TSPEAR: variants seen among roughly 807,000 people sequenced by gnomAD.
The protein encoded by TSPEAR is thrombospondin type laminin G domain and EAR repeats.
In TSPEAR, 69 loss-of-function variants were observed where a neutral mutation model predicts 71.6. That is an observed-to-expected ratio of 0.96 (90% CI 0.79 to 1.18). The LOEUF is 1.18. TSPEAR is among the 50% of genes most tolerant of loss of function. TSPEAR has a pLI of 0.00. For synonymous variants in TSPEAR, 402 were observed against 387.2 expected, an observed-to-expected ratio of 1.04 and a Z score of -0.45; for missense variants, 971 against 894.9, an observed-to-expected ratio of 1.09 and a Z score of -1.09.
chr21:44,661,197 C>T (rs1336458342), intron 1 of TSPEAR, among the ~76,000 whole-genome samples: 3 of 150,558 alleles, frequency 2.0e-5, no homozygotes, highest in Admixed American at 6.6e-5. Flanking sequence ...TGGCGTGAAC[C>T]CCAGAGGCGG....
intron 2 of TSPEAR, among the ~76,000 whole-genome samples, chr21:44,562,608 C>A (rs1034926022): frequency 3.3e-5 from 5 of 152,058 alleles, no homozygotes; most frequent in Non-Finnish European, 5.9e-5. Context: ...AGGAGAAAAT[C>A]TTGAAAGCAG....
chr21:44,544,736 G>T (rs1205849086), intron 2 of TSPEAR, among the ~76,000 whole-genome samples: 1 of 152,150 alleles, frequency 6.6e-6, no homozygotes, highest in Non-Finnish European at 1.5e-5. Flanking sequence ...ATGGCCTGGT[G>T]GGGGAGGAGC....
chr21:44,599,875 G>A (rs888925474), intron 1 of TSPEAR, among the ~76,000 whole-genome samples: 15 of 152,160 alleles, frequency 9.9e-5, no homozygotes, highest in African/African-American at 3.6e-4. Context: ...TGCTTTTTGC[G>A]GAGGAGGTGT....
intron 1 of TSPEAR, among the ~76,000 whole-genome samples, chr21:44,681,250 G>C (rs1345884135): frequency 6.6e-6 from 1 of 152,250 alleles, no homozygotes; most frequent in Non-Finnish European, 1.5e-5. Context: ...CCAACCACAT[G>C]GGAAAGCCCG....
chr21:44,571,512 A>G (rs1555922506), intron 1 of TSPEAR, among the ~76,000 whole-genome samples: 1 of 152,250 alleles, frequency 6.6e-6, no homozygotes, highest in Non-Finnish European at 1.5e-5. Context: ...ACACCCCAGT[A>G]GTGTGAGCAC....
chr21:44,554,197 A>G (rs1440354906), intron 2 of TSPEAR, among the ~76,000 whole-genome samples: 1 of 152,190 alleles, frequency 6.6e-6, no homozygotes, highest in African/African-American at 2.4e-5. Flanking sequence ...TGTGCCCTTT[A>G]AAGAAGAAAC....
rs1436170775 is a variant in TSPEAR, at chr21:44,546,670, CT to C, written c.304-12748del. 2.0e-5 allele frequency among the ~76,000 whole-genome samples: 3 copies of C among 152,182 alleles called. No individual in the cohort carries two copies. In the East Asian group the frequency reaches 5.8e-4, roughly 29 times the overall value. ...GGATAATTTTGTCAGATGCTGATGC[CT>C]TTTTGGTTGTTGGTTTCCCCTGCCG... On this transcript the variant is annotated intron_variant, in intron 2 of 11. Coordinates refer to ENST00000323084, the MANE Select transcript of TSPEAR (RefSeq NM_144991.3). This position sits in a 1 kb window ranked among gnomAD's most constrained non-coding sequence, Gnocchi z 4.4.
Position 44,646,493 on chromosome 21 carries a change from C to G in TSPEAR, c.82+64940G>C, listed in dbSNP as rs377695090. On this transcript the variant is annotated intron_variant, in intron 1 of 11. Transcript: ENST00000323084. The stretch of plus-strand genomic sequence containing the variant: ...TCCACCATGTCTGTCTGCTCCAGCG[C>G]TTACTCCGACTCCTGGCAGGTGGAC... The G allele has an allele frequency of 2.5e-6, 4 of 1,613,162 alleles. No homozygotes were observed. In the African/African-American group the frequency reaches 4.0e-5, roughly 16 times the overall value.
At position 44,600,782 on chromosome 21, in the gene TSPEAR, G is replaced by C. The variant is rs782799472; in HGVS notation, c.83-32777C>G. ...TGCTGCGCCCCGGCCCCCTGCCTGAGCCTGGTCTGCACCCCAGTGAGCTAT... is the reference window on the plus strand; with the variant it reads ...TGCTGCGCCCCGGCCCCCTGCCTGACCCTGGTCTGCACCCCAGTGAGCTAT... On this transcript the variant is annotated intron_variant, in intron 1 of 11. Coordinates refer to ENST00000323084, the MANE Select transcript of TSPEAR (RefSeq NM_144991.3). 3.8e-4 allele frequency: 601 copies of C among 1,592,334 alleles called. 18 individuals are homozygous for C. In the African/African-American group the frequency reaches 7.1e-3, roughly 19 times the overall value.
At chr21:44,650,220 A>C (rs1453622584) in intron 1 of TSPEAR, among the ~76,000 whole-genome samples, 5 of 152,144 alleles carry the variant, frequency 3.3e-5, no homozygotes, top group Non-Finnish European at 4.4e-5. Context: ...TCTCCAAAAA[A>C]AAAAAAGAAA....
chr21:44,621,264 G>A (rs1982414353), intron 1 of TSPEAR, among the ~76,000 whole-genome samples: 1 of 152,126 alleles, frequency 6.6e-6, no homozygotes, highest in East Asian at 1.9e-4. Context: ...AGAGAGAATG[G>A]CTTATTGAAG....
intron 9 of TSPEAR, chr21:44,517,622 G>C (rs184367840): frequency 2.6e-6 from 1 of 386,384 alleles, no homozygotes; most frequent in Non-Finnish European, 5.3e-6. Context: ...TTCCCACCGT[G>C]TGTGCTCCTT....
At chr21:44,658,464 C>A in intron 1 of TSPEAR, 1 of 607,366 alleles carries the variant, frequency 1.6e-6, no homozygotes, top group Non-Finnish European at 2.9e-6. Context: ...GTCTTGGCTG[C>A]CAGAGTCCTT....
intron 1 of TSPEAR, among the ~76,000 whole-genome samples, chr21:44,617,429 C>T (rs1982175980): frequency 6.6e-6 from 1 of 152,126 alleles, no homozygotes; most frequent in African/African-American, 2.4e-5. Context: ...GGCGGAGGGC[C>T]CCAATGGCAG....
rs2052197381 is a variant in TSPEAR at position 44,506,217 on chromosome 21, A to G, written c.1755-1336T>C. ...ACCAAGGATGCATCTGTGCTTGGGGATGGCTCGGTTTGAGGGGTCTGAGGA... is the reference window on the plus strand; with the variant it reads ...ACCAAGGATGCATCTGTGCTTGGGGGTGGCTCGGTTTGAGGGGTCTGAGGA... On this transcript the variant is annotated intron_variant, in intron 10 of 11. Transcript: ENST00000323084. This position sits in a 1 kb window ranked among gnomAD's most constrained non-coding sequence, Gnocchi z 4.2. Among the ~76,000 whole-genome samples the G allele has an allele frequency of 6.6e-6, 1 of 152,160 alleles. No homozygotes were observed. Among genetic ancestry groups the G allele is most frequent in the African/African-American group, 2.4e-5 (1 of 41,426 alleles).
At chr21:44,681,174 G>A (rs1986566284) in intron 1 of TSPEAR, among the ~76,000 whole-genome samples, 1 of 152,194 alleles carries the variant, frequency 6.6e-6, no homozygotes, top group Non-Finnish European at 1.5e-5. Flanking sequence ...ATGGGAGTGT[G>A]TGCTGCAGAA....
intron 1 of TSPEAR, among the ~76,000 whole-genome samples, chr21:44,704,330 G>T (rs1397965676): frequency 1.3e-5 from 2 of 152,112 alleles, no homozygotes; most frequent in East Asian, 3.9e-4. Flanking sequence ...GGCTGTTGGG[G>T]CCTGAAATTT....
chr21:44,513,278 C>T (rs587746501), intron 9 of TSPEAR, among the ~76,000 whole-genome samples: 108 of 152,304 alleles, frequency 7.1e-4, no homozygotes, highest in Admixed American at 1.8e-3. Context: ...TGTCCCTCTG[C>T]TGAAGCCGGG....
At chr21:44,698,036 C>G (rs782623432) in intron 1 of TSPEAR, 2 of 1,438,874 alleles carry the variant, frequency 1.4e-6, no homozygotes, top group South Asian at 2.6e-5. Flanking sequence ...ACTGGCCCCT[C>G]GGCTGCTCTG....
Sources: allele counts gnomAD v4.1 joint callset (sites outside exome capture counted in the v4.1 genomes callset), GRCh38; gene constraint gnomAD v4.1.1; non-coding constraint Gnocchi (gnomAD v3.1); transcripts MANE v1.5; gene names NCBI Gene and HGNC (gene_info 2026-07-23, HGNC 2026-07-21).